Variants in SNRPA observed in about 807,000 individuals in gnomAD.
SNRPA encodes U1 small nuclear ribonucleoprotein A.
SNRPA carries 10 observed loss-of-function variants against 24.5 expected under a neutral mutation model. That is an observed-to-expected ratio of 0.41 (90% CI 0.25 to 0.69). SNRPA has a LOEUF of 0.69. SNRPA is among the 30% of genes least tolerant of loss of function. The probability of loss-of-function intolerance (pLI) is 0.33; values close to 1 mark genes in which losing one functional copy is unlikely to be tolerated. For missense variants in SNRPA, 283 were observed against 394.7 expected (o/e 0.72, Z 2.40); for synonymous variants, 165 against 148.4 (o/e 1.11, Z -0.81).
intron 1 of SNRPA, among the ~76,000 whole-genome samples, chr19:40,754,698 A>G (rs975055002): frequency 3.9e-5 from 6 of 152,092 alleles, no homozygotes; most frequent in African/African-American, 1.4e-4. Flanking sequence ...TCATGGGGAA[A>G]CTTCCAGTGA....
At chr19:40,762,278 G>A (rs1295935382) in intron 3 of SNRPA, among the ~76,000 whole-genome samples, 1 of 150,804 alleles carries the variant, frequency 6.6e-6, no homozygotes, top group Non-Finnish European at 1.5e-5. Context: ...GTGCAGTGGT[G>A]TGATCTCGGC....
rs370683520 is a variant in SNRPA, at chr19:40,763,697, G to A, written c.689+22G>A. On this transcript the variant is annotated intron_variant, in intron 5 of 5. Coordinates refer to ENST00000243563, the MANE Select transcript of SNRPA (RefSeq NM_004596.5). ...ATCAGTAAGTGGGGCCTGTGGCTGG[G>A]TGGTCCCTGGAGGGTGATGGCCAGG... 1.9e-5 allele frequency: 31 copies of A among 1,599,776 alleles called. No individual in the cohort carries two copies. In the South Asian group the frequency reaches 2.5e-4, roughly 13 times the overall value.
chr19:40,763,105 A>G (rs774493450), intron 4 of SNRPA, 31 bp downstream of exon 4: 5 of 1,502,144 alleles, frequency 3.3e-6, no homozygotes, highest in African/African-American at 1.4e-5. Context: ...ACCAGGTCTC[A>G]TATAAATAGT....
intron 1 of SNRPA, among the ~76,000 whole-genome samples, chr19:40,754,064 G>A (rs10422828): frequency 0.022 from 3,230 of 149,424 alleles, 108 homozygotes; most frequent in African/African-American, 0.075. Context: ...GCCTCCAAAA[G>A]TGCTGGGATT....
Position 40,757,089 on chromosome 19 carries a change from C to T in SNRPA, c.74-243C>T. ...ACTACGTGCCGGATGCTGTCCTGAG[C>T]ACTTTGCATGTATGTGCACATGTTC... On this transcript the variant is annotated intron_variant, in intron 1 of 5. Transcript: ENST00000243563. The T allele has an allele frequency of 7.9e-6, 4 of 507,528 alleles. No individual in the cohort carries two copies. In the South Asian group the frequency reaches 8.5e-5, roughly 11 times the overall value. The allele number at this position is 507,528 out of a possible 1,614,324, so 31.4% of individuals were successfully genotyped here.
chr19:40,758,216 C>T (rs182913930), intron 2 of SNRPA, among the ~76,000 whole-genome samples: 1 of 152,192 alleles, frequency 6.6e-6, no homozygotes, highest in African/African-American at 2.4e-5. Flanking sequence ...ATCTGCCTGC[C>T]TCAGCCTCCC....
rs115500434 is a variant in SNRPA, at chr19:40,762,927, C to T, written c.453C>T (p.Pro151=). 44 of 1,613,894 alleles carry T rather than the reference C, an allele frequency of 2.7e-5. No homozygotes were observed. The African/African-American group carries it at 5.2e-4, about 19-fold the overall frequency. ...GCATGCCGCCGATGACTCAGGCGCCCCGCATTATGCACCACATGCCGGGCC... is the reference window on the plus strand; with the variant it reads ...GCATGCCGCCGATGACTCAGGCGCCTCGCATTATGCACCACATGCCGGGCC... ...VPGMPPMTQA[P]RIMHHMPGQP... The change falls in exon 4 of 6, where the codon CCC becomes CCT. Residue 151 remains proline (P), a synonymous_variant. Transcript: ENST00000243563.
chr19:40,762,796 TG>T, intron 3 of SNRPA, 104 bp from the exon 4 acceptor site: 1 of 1,225,072 alleles, frequency 8.2e-7, no homozygotes, highest in Non-Finnish European at 1.1e-6. Context: ...CGCCTCTTTC[TG>T]GGTGTTTTTC....
chr19:40,753,384 G>GTTTTTTTTTTTTTTTTTTT (rs746525368), intron 1 of SNRPA, among the ~76,000 whole-genome samples: 4 of 38,382 alleles, frequency 1.0e-4, no homozygotes, highest in Non-Finnish European at 1.3e-4. Context: ...TTTTGCATAT[G>GTTTTTTTTTTTTTTTTTTT]TTTTTTTTTT....
intron 1 of SNRPA, among the ~76,000 whole-genome samples, chr19:40,753,399 T>G (rs2082893790): frequency 1.6e-5 from 2 of 122,854 alleles, no homozygotes; most frequent in Non-Finnish European, 3.5e-5. Flanking sequence ...TTTTTTTTTT[T>G]TTTTTTTTTT....
intron 1 of SNRPA, among the ~76,000 whole-genome samples, chr19:40,756,363 A>G (rs1262279020): frequency 1.3e-5 from 2 of 152,056 alleles, no homozygotes; most frequent in African/African-American, 4.8e-5. Context: ...TCGGAGGCCA[A>G]GGTGGGCTAA....
chr19:40,763,209 G>A, intron 4 of SNRPA, 135 bp downstream of exon 4: 2 of 655,146 alleles, frequency 3.1e-6, no homozygotes, highest in African/African-American at 1.8e-5. Context: ...GAATGAGGAA[G>A]TAGCAGTGGG....
At position 40,763,346 on chromosome 19, in the gene SNRPA, C is replaced by G; in HGVS notation, c.601-241C>G. On this transcript the variant is annotated intron_variant, in intron 4 of 5. Transcript: ENST00000243563. ...GAGCGCCTCCTTACGTGCCAGGCCCCGTTCTGCACTGTAGGGCTGCAGCAG... is the reference window on the plus strand; with the variant it reads ...GAGCGCCTCCTTACGTGCCAGGCCCGGTTCTGCACTGTAGGGCTGCAGCAG... The G allele has an allele frequency of 6.7e-6, 4 of 594,534 alleles. No homozygotes were observed. The South Asian group carries it at 8.2e-5, about 12-fold the overall frequency. The allele number at this position is 594,534 out of a possible 1,614,324, so 36.8% of individuals were successfully genotyped here.
chr19:40,759,428 T>C lies in SNRPA; in HGVS notation c.247-3T>C. The C allele has an allele frequency of 6.2e-7, 1 of 1,609,944 alleles. No individual in the cohort carries two copies. Among genetic ancestry groups the C allele is most frequent in the Non-Finnish European group, 8.5e-7 (1 of 1,178,246 alleles). On this transcript the variant is annotated splice_region_variant and splice_polypyrimidine_tract_variant and intron_variant, in intron 2 of 5. Coordinates refer to ENST00000243563, the MANE Select transcript of SNRPA (RefSeq NM_004596.5). ...TTAACCCGTTCTGCTCTCTGTTTGG[T>C]AGCGTATCCAGTATGCCAAGACCGA...
chr19:40,758,502 G>A (rs891492584), intron 2 of SNRPA, among the ~76,000 whole-genome samples: 4 of 152,174 alleles, frequency 2.6e-5, no homozygotes, highest in East Asian at 1.9e-4. Flanking sequence ...CCTTTGGCCT[G>A]ATGTTTATTG....
At chr19:40,758,306 A>G (rs2082917088) in intron 2 of SNRPA, among the ~76,000 whole-genome samples, 1 of 152,118 alleles carries the variant, frequency 6.6e-6, no homozygotes. Context: ...AATAAGCACC[A>G]TGAAAGAGGG....
intron 3 of SNRPA, among the ~76,000 whole-genome samples, chr19:40,762,661 ACCT>A (rs1270591390): frequency 1.3e-5 from 2 of 151,730 alleles, no homozygotes; most frequent in African/African-American, 2.4e-5. Context: ...TGCAGTCTTG[ACCT>A]CCTGTGCTCA....
chr19:40,762,902 G>C lies in SNRPA; in HGVS notation c.428G>C (p.Gly143Ala). 1 of 1,612,996 alleles carries C rather than the reference G, an allele frequency of 6.2e-7. No homozygotes were observed. Among genetic ancestry groups the C allele is most frequent in the South Asian group, 1.1e-5 (1 of 90,972 alleles). ...VVGAVQGPVP[G>A]MPPMTQAPRI... ...GCACTCTCCTCCCTCTCTCCACAGG[G>C]CATGCCGCCGATGACTCAGGCGCCC... is the stretch of plus-strand genomic sequence containing the variant. The change falls in exon 4 of 6, where the codon GGC (glycine) becomes GCC (alanine). Residue 143 changes from glycine to alanine, a missense_variant and splice_region_variant. This residue lies in a region of SNRPA where 167 missense variants were observed against 174.3 expected (regional missense o/e 0.96). Transcript: ENST00000243563.
rs1201114773 is a variant in SNRPA, at chr19:40,751,394, T to C, written c.-15T>C. 10 of 1,604,760 alleles carry C rather than the reference T, an allele frequency of 6.2e-6. No individual in the cohort carries two copies. Among genetic ancestry groups the C allele is most frequent in the African/African-American group, 1.3e-5 (1 of 74,702 alleles). On this transcript the variant is annotated 5_prime_UTR_variant, in exon 1 of 6. Transcript: ENST00000243563. ...CGTTTTTCCTCCTTTAAGACTTACC[T>C]CAACACTTCACTCCATGGCAGTTCC... is the stretch of plus-strand genomic sequence containing the variant.
Sources: gnomAD v4.1 joint callset for allele counts (sites outside exome capture counted in the v4.1 genomes callset) on GRCh38, gnomAD v4.1.1 for gene constraint, gnomAD v4.1.1 regional missense constraint, MANE v1.5 for transcripts, NCBI Gene and HGNC (gene_info 2026-07-23, HGNC 2026-07-21) for gene names.